Variants in NOSTRIN observed in about 807,000 individuals in gnomAD.
NOSTRIN encodes the protein BM247 homolog.
Under a neutral mutation model 59.0 loss-of-function variants are expected in NOSTRIN, and 63 were observed. That is an observed-to-expected ratio of 1.07 (90% CI 0.87 to 1.32). NOSTRIN has a LOEUF of 1.32. Ranked by LOEUF, NOSTRIN falls within the 40% of genes most tolerant of loss-of-function variation. The pLI, the probability that NOSTRIN is intolerant of heterozygous loss-of-function variation, is 0.00. For missense variants in NOSTRIN, 512 were observed against 473.1 expected (o/e 1.08, Z -0.76); for synonymous variants, 200 against 165.4 (o/e 1.21, Z -1.61).
intron 2 of NOSTRIN, among the ~76,000 whole-genome samples, chr2:168,818,742 G>C (rs1484750706): frequency 3.3e-5 from 5 of 152,062 alleles, no homozygotes; most frequent in Admixed American, 6.6e-5. Flanking sequence ...AAAATATATT[G>C]ACCAGCCTTG....
At chr2:168,862,269 C>G (rs958650046) in intron 15 of NOSTRIN, among the ~76,000 whole-genome samples, 1 of 152,154 alleles carries the variant, frequency 6.6e-6, no homozygotes, top group Non-Finnish European at 1.5e-5. Flanking sequence ...GGCCTATTGT[C>G]CAATTTAATA....
chr2:168,791,105 TA>T (rs1282768483), intron 2 of NOSTRIN, among the ~76,000 whole-genome samples: 1 of 152,192 alleles, frequency 6.6e-6, no homozygotes, highest in African/African-American at 2.4e-5. Flanking sequence ...ACTCATCATT[TA>T]ACATTAGGTA....
Position 168,831,502 on chromosome 2 carries a change from C to T in NOSTRIN, c.373C>T (p.Leu125Phe). 1.2e-6 allele frequency: 1 copy of T among 866,516 alleles called. No homozygotes were observed. Among genetic ancestry groups the T allele is most frequent in the South Asian group, 1.3e-5 (1 of 76,144 alleles). 53.7% of individuals were successfully genotyped at this position (866,516 alleles called of 1,614,324 possible). A position where few individuals can be genotyped will look rare whatever the true frequency, so the allele number is the denominator to read the frequency against. The change falls in exon 6 of 16, where the codon CTT (leucine) becomes TTT (phenylalanine). Residue 125 changes from leucine (L) to phenylalanine (F), a missense_variant. By Grantham distance (22) the Leu-to-Phe change is conservative. Coordinates refer to ENST00000317647, the MANE Select transcript of NOSTRIN (RefSeq NM_001039724.4). ...LDNEVEKTANLVISNWNQQIK... is the reference protein window; with the variant it reads ...LDNEVEKTANFVISNWNQQIK... The stretch of plus-strand genomic sequence containing the variant: ...CAATGAAGTTGAAAAGACAGCAAAT[C>T]TTGTCATTAGCAACTGGAATCAGCA...
chr2:168,826,079 A>G (rs962579415), intron 3 of NOSTRIN, among the ~76,000 whole-genome samples: 6 of 152,234 alleles, frequency 3.9e-5, no homozygotes, highest in African/African-American at 1.4e-4. Context: ...TCTTTAAAGT[A>G]AAAGTAAAGC....
chr2:168,830,379 G>A (rs1687295275), intron 5 of NOSTRIN, among the ~76,000 whole-genome samples: 2 of 152,052 alleles, frequency 1.3e-5, no homozygotes, highest in South Asian at 2.1e-4. Context: ...TAAAAGATTA[G>A]ATTTTATTTT....
intron 2 of NOSTRIN, among the ~76,000 whole-genome samples, chr2:168,815,122 G>A (rs534798139): frequency 1.3e-5 from 2 of 152,258 alleles, no homozygotes; most frequent in African/African-American, 4.8e-5. Flanking sequence ...GCCAGAGAAT[G>A]TTTCCTTTCC....
intron 5 of NOSTRIN, among the ~76,000 whole-genome samples, chr2:168,829,757 G>C (rs1687266626): frequency 6.6e-6 from 1 of 152,144 alleles, no homozygotes; most frequent in Non-Finnish European, 1.5e-5. Context: ...GTGGGGTTAT[G>C]GTCACTGTTT....
intron 8 of NOSTRIN, among the ~76,000 whole-genome samples, chr2:168,845,130 G>A (rs1688337433): frequency 6.6e-6 from 1 of 152,180 alleles, no homozygotes; most frequent in Non-Finnish European, 1.5e-5. Flanking sequence ...TAAGCTCCGG[G>A]TACTCTCTTG....
chr2:168,860,748 TATG>T (rs1689391275), intron 13 of NOSTRIN, 44 bp from the exon 14 acceptor site: 4 of 1,150,826 alleles, frequency 3.5e-6, no homozygotes, highest in Non-Finnish European at 5.2e-6. Flanking sequence ...CATGAATGTT[TATG>T]ATAATCGTGT....
At chr2:168,826,809 G>T (rs1351126542) in intron 3 of NOSTRIN, among the ~76,000 whole-genome samples, 1 of 152,182 alleles carries the variant, frequency 6.6e-6, no homozygotes, top group Non-Finnish European at 1.5e-5. Context: ...TAAATACCCT[G>T]TGTAGCCACC....
At chr2:168,824,864 TC>T in intron 3 of NOSTRIN, 147 bp downstream of exon 3, 1 of 599,222 alleles carries the variant, frequency 1.7e-6, no homozygotes, top group Non-Finnish European at 3.1e-6. Flanking sequence ...GCACCCTCAA[TC>T]CCCCAGGCTC....
At chr2:168,825,995 G>T (rs1477100577) in intron 3 of NOSTRIN, among the ~76,000 whole-genome samples, 1 of 152,168 alleles carries the variant, frequency 6.6e-6, no homozygotes, top group South Asian at 2.1e-4. Flanking sequence ...TAGATACACT[G>T]CCCAGGTTTA....
intron 2 of NOSTRIN, chr2:168,818,037 T>C (rs1686504911): frequency 6.3e-6 from 1 of 159,020 alleles, no homozygotes; most frequent in Admixed American, 6.3e-5. Context: ...ACTTAAAAGA[T>C]GGGTGATATC....
At chr2:168,847,578 G>A (rs1212640102) in intron 8 of NOSTRIN, among the ~76,000 whole-genome samples, 1 of 152,200 alleles carries the variant, frequency 6.6e-6, no homozygotes, top group Non-Finnish European at 1.5e-5. Flanking sequence ...CCAAAGGCTA[G>A]GACAGCAAGA....
At chr2:168,832,842 G>A (rs529468127) in intron 6 of NOSTRIN, among the ~76,000 whole-genome samples, 25 of 152,146 alleles carry the variant, frequency 1.6e-4, no homozygotes, top group Middle Eastern at 3.4e-3. Flanking sequence ...GGCTGATCCC[G>A]AACTCCTGGG....
At chr2:168,834,370 T>C (rs776107164) in intron 7 of NOSTRIN, 45 bp downstream of exon 7, 8 of 852,302 alleles carry the variant, frequency 9.4e-6, no homozygotes, top group African/African-American at 1.7e-5. Flanking sequence ...TAGAGAGGGA[T>C]GGACTTGCTG....
intron 3 of NOSTRIN, 147 bp from the exon 4 acceptor site, chr2:168,828,011 C>A (rs1687146480): frequency 3.0e-6 from 2 of 664,386 alleles, no homozygotes; most frequent in Non-Finnish European, 5.5e-6. Context: ...AGAATGTAAT[C>A]TCATAGAGAA....
chr2:168,799,200 GA>G (rs1291087371), upstream of NOSTRIN, among the ~76,000 whole-genome samples: 2 of 152,170 alleles, frequency 1.3e-5, no homozygotes, highest in African/African-American at 4.8e-5. Context: ...AGGGCCACTT[GA>G]AACTATGCTC....
chr2:168,858,016 C>G (rs927810922), intron 12 of NOSTRIN, among the ~76,000 whole-genome samples: 2 of 152,152 alleles, frequency 1.3e-5, no homozygotes, highest in Non-Finnish European at 2.9e-5. Flanking sequence ...CTGCAATGAC[C>G]CGTGGCTACA....
Sources: gnomAD v4.1 joint callset for allele counts (sites outside exome capture counted in the v4.1 genomes callset) on GRCh38, gnomAD v4.1.1 for gene constraint, MANE v1.5 for transcripts, NCBI Gene and HGNC (gene_info 2026-07-23, HGNC 2026-07-21) for gene names.